Variants in SPTLC3 observed in about 807,000 individuals in gnomAD.
SPTLC3 encodes the protein serine palmitoyltransferase 3.
In SPTLC3, 36 loss-of-function variants were observed where a neutral mutation model predicts 59.3. The ratio of observed to expected loss-of-function variants is 0.61; its 90% confidence interval spans 0.47 to 0.80. SPTLC3 has a LOEUF of 0.80. Among genes scored for constraint, SPTLC3 ranks in the 30% least tolerant of loss-of-function variants. SPTLC3 has a pLI of 0.00. For missense variants in SPTLC3, 625 were observed against 685.1 expected (o/e 0.91, Z 0.98); for synonymous variants, 257 against 240.8 (o/e 1.07, Z -0.62).
chr20:13,019,811 G>A (rs1038615337), intron 1 of SPTLC3, among the ~76,000 whole-genome samples: 3 of 152,150 alleles, frequency 2.0e-5, no homozygotes, highest in African/African-American at 7.2e-5. Context: ...CCAAGCAAAA[G>A]GCTATGTGCA....
At chr20:13,153,905 G>C in intron 9 of SPTLC3, 98 bp from the exon 10 acceptor site, 1 of 1,489,786 alleles carries the variant, frequency 6.7e-7, no homozygotes, top group South Asian at 1.3e-5. Context: ...AGTGCTGCTG[G>C]CCTGCAGAAA....
At chr20:13,159,540 T>C (rs2038848855) in intron 10 of SPTLC3, among the ~76,000 whole-genome samples, 1 of 152,226 alleles carries the variant, frequency 6.6e-6, no homozygotes, top group Non-Finnish European at 1.5e-5. Flanking sequence ...TCATTGAAAT[T>C]TCCACATTGT....
rs1989748495 is a variant in SPTLC3 at position 13,104,309 on chromosome 20, GT to G, written c.827-5802del. On this transcript the variant is annotated intron_variant, in intron 6 of 11. Transcript: ENST00000399002. Reference sequence around the variant, plus strand: ...TCCCATGTGTTGTGAGAGGGACCCAGTGGGAGATAATTGAATTATGGGGGCG... The same window carrying G: ...TCCCATGTGTTGTGAGAGGGACCCAGGGGAGATAATTGAATTATGGGGGCG... Among the ~76,000 whole-genome samples, 11 of 152,284 alleles carry G rather than the reference GT, an allele frequency of 7.2e-5. No homozygotes were observed. The South Asian group carries it at 2.3e-3, about 32-fold the overall frequency.
At chr20:13,046,530 G>A (rs1475591719) in intron 1 of SPTLC3, among the ~76,000 whole-genome samples, 1 of 152,180 alleles carries the variant, frequency 6.6e-6, no homozygotes, top group Non-Finnish European at 1.5e-5. Flanking sequence ...CCTTTTGCTA[G>A]AGTCTGGACA....
chr20:13,020,431 A>C (rs1171804884), intron 1 of SPTLC3, among the ~76,000 whole-genome samples: 1 of 152,044 alleles, frequency 6.6e-6, no homozygotes, highest in Non-Finnish European at 1.5e-5. Context: ...AGGAGGTTGA[A>C]GTGGGAGGAC....
chr20:13,093,357 C>A, intron 5 of SPTLC3, 127 bp from the exon 6 acceptor site: 2 of 776,832 alleles, frequency 2.6e-6, no homozygotes, highest in Non-Finnish European at 4.2e-6. Context: ...AAACTCTTGG[C>A]CTTTTAAAAT....
chr20:13,152,027 A>G (rs1309929868), intron 9 of SPTLC3, among the ~76,000 whole-genome samples: 1 of 152,180 alleles, frequency 6.6e-6, no homozygotes, highest in Non-Finnish European at 1.5e-5. Flanking sequence ...GCTGGCAGAA[A>G]TGAGAGTTTT....
At chr20:13,027,168 G>A (rs915890844) in intron 1 of SPTLC3, among the ~76,000 whole-genome samples, 3 of 152,190 alleles carry the variant, frequency 2.0e-5, no homozygotes, top group African/African-American at 7.2e-5. Flanking sequence ...TAAACAGGTT[G>A]TATTTGAATC....
chr20:13,153,988 C>T lies in SPTLC3; in HGVS notation c.1280-15C>T, dbSNP rs763297356. 1.9e-6 allele frequency: 3 copies of T among 1,612,796 alleles called. No individual in the cohort carries two copies. The highest frequency in any genetic ancestry group is 1.7e-5 in the Admixed American group (1 of 59,858). On this transcript the variant is annotated splice_polypyrimidine_tract_variant and intron_variant, in intron 9 of 11. Coordinates refer to ENST00000399002, the MANE Select transcript of SPTLC3 (RefSeq NM_018327.4). ...CTAGTGGGAATTGATGGATTTCACG[C>T]CTGTCTCTTTTCAGGGCTGCAGAGA...
chr20:13,148,308 G>A (rs561366178), intron 9 of SPTLC3, among the ~76,000 whole-genome samples: 2 of 152,272 alleles, frequency 1.3e-5, no homozygotes, highest in Admixed American at 6.5e-5. Context: ...TGTGGCCTCC[G>A]TTAACCTAGC....
At chr20:13,059,374 T>TA (rs1253918928) in intron 2 of SPTLC3, among the ~76,000 whole-genome samples, 3 of 152,206 alleles carry the variant, frequency 2.0e-5, no homozygotes, top group African/African-American at 7.2e-5. Flanking sequence ...ATCTTTAGTT[T>TA]ATCATGATCC....
At chr20:13,042,760 T>C (rs982064526) in intron 1 of SPTLC3, among the ~76,000 whole-genome samples, 6 of 152,258 alleles carry the variant, frequency 3.9e-5, no homozygotes, top group African/African-American at 1.4e-4. Context: ...GAATAGGTCA[T>C]GGCTCAATGC....
At chr20:13,069,526 C>CA (rs1988360598) in intron 2 of SPTLC3, among the ~76,000 whole-genome samples, 1 of 152,156 alleles carries the variant, frequency 6.6e-6, no homozygotes, top group Admixed American at 6.5e-5. Context: ...GCGCAGTTCA[C>CA]AATAGGATTT....
intron 1 of SPTLC3, among the ~76,000 whole-genome samples, chr20:13,046,667 AG>A (rs985071615): frequency 1.3e-5 from 2 of 152,200 alleles, no homozygotes; most frequent in Non-Finnish European, 2.9e-5. Flanking sequence ...AGTGCAGAAC[AG>A]AGCCAAGGAA....
intron 7 of SPTLC3, among the ~76,000 whole-genome samples, chr20:13,114,933 G>T (rs1990450228): frequency 6.6e-6 from 1 of 152,200 alleles, no homozygotes; most frequent in South Asian, 2.1e-4. Flanking sequence ...TAATAGAAAA[G>T]ATATAAAGGA....
chr20:13,067,044 C>CATATAT (rs143918659), intron 2 of SPTLC3, among the ~76,000 whole-genome samples: 9 of 71,126 alleles, frequency 1.3e-4, no homozygotes, highest in East Asian at 5.1e-4. Flanking sequence ...GTCACTTCTA[C>CATATAT]ATATATATAT....
chr20:13,066,467 T>C (rs116145758), intron 2 of SPTLC3, among the ~76,000 whole-genome samples: 198 of 152,302 alleles, frequency 1.3e-3, no homozygotes, highest in African/African-American at 4.6e-3. Flanking sequence ...TTACTGTACC[T>C]TTGTAGTATA....
chr20:13,035,656 G>A (rs906596144), intron 1 of SPTLC3, among the ~76,000 whole-genome samples: 2 of 152,146 alleles, frequency 1.3e-5, no homozygotes, highest in African/African-American at 4.8e-5. Flanking sequence ...TTATCAGGAA[G>A]GTGCTGTGTG....
intron 6 of SPTLC3, among the ~76,000 whole-genome samples, chr20:13,106,458 GA>G (rs1989903963): frequency 6.6e-6 from 1 of 152,170 alleles, no homozygotes; most frequent in Non-Finnish European, 1.5e-5. Flanking sequence ...TTATTGACGA[GA>G]AGAGTTTGGG....
Sources: gnomAD v4.1 joint callset for allele counts (sites outside exome capture counted in the v4.1 genomes callset) on GRCh38, gnomAD v4.1.1 for gene constraint, MANE v1.5 for transcripts, NCBI Gene and HGNC (gene_info 2026-07-23, HGNC 2026-07-21) for gene names.